Variants in DCAF8L1 observed in about 807,000 individuals in gnomAD.
The protein encoded by DCAF8L1 is DDB1- and CUL4-associated factor 8-like protein 1.
For synonymous variants in DCAF8L1, 217 were observed against 186.8 expected (o/e 1.16, Z -1.32); for missense variants, 434 against 481.6 (o/e 0.90, Z 0.92).
At position 27,980,699 on chromosome X, in the gene DCAF8L1, G is replaced by A; in HGVS notation, c.636C>T (p.Ala212=). The A allele has an allele frequency of 1.7e-6, 2 of 1,211,317 alleles. No individual in the cohort carries two copies. Among genetic ancestry groups the A allele is most frequent in the Non-Finnish European group, 2.2e-6 (2 of 895,320 alleles). Reference sequence around the variant, plus strand: ...TCACCCTTAAGTCATCACCGCTACTGGCCAGTCGGGTGCCACGCTGGTTAA... The same window carrying A: ...TCACCCTTAAGTCATCACCGCTACTAGCCAGTCGGGTGCCACGCTGGTTAA... ...IHFNQRGTRL[A]SSGDDLRVIV... Residue 212 remains alanine (A), a synonymous_variant, in exon 1 of 1, where the codon GCC becomes GCT. Coordinates refer to ENST00000441525, the MANE Select transcript of DCAF8L1 (RefSeq NM_001017930.2).
rs142121147 is a variant in DCAF8L1, at chrX:27,980,863, G to C, written c.472C>G (p.Leu158Val). 4.5e-5 allele frequency: 55 copies of C among 1,210,109 alleles called. No individual in the cohort carries two copies. The African/African-American group carries it at 6.4e-4, about 14-fold the overall frequency. The change falls in exon 1 of 1, where the codon CTT becomes GTT. Residue 158 changes from leucine to valine, a missense_variant. Coordinates refer to ENST00000441525, the MANE Select transcript of DCAF8L1 (RefSeq NM_001017930.2). ...SALPRSRWQVLTALRQRQLGS... is the reference protein window; with the variant it reads ...SALPRSRWQVVTALRQRQLGS... ...AGCTGCCGCTGGCGAAGAGCAGTAA[G>C]GACTTGCCAGCGAGATCGGGGCAGG...
rs763210557 is a variant in DCAF8L1, at chrX:27,980,314, A to T, written c.1021T>A (p.Ser341Thr). Residue 341 changes from serine (S) to threonine (T), a missense_variant, in exon 1 of 1, where the codon TCT (serine) becomes ACT (threonine). Physicochemically the swap from Ser to Thr is moderately conservative, Grantham distance 58. Coordinates refer to ENST00000441525, the MANE Select transcript of DCAF8L1 (RefSeq NM_001017930.2). ...TGGTAAATATTGGCAGGATTCATAG[A>T]GATTGTATACAGTCCGACTTTCTTA... ...NDKKVGLYTISMNPANIYQFA... is the reference protein window; with the variant it reads ...NDKKVGLYTITMNPANIYQFA... The T allele has an allele frequency of 8.3e-7, 1 of 1,210,376 alleles. No homozygotes were observed. The highest frequency in any genetic ancestry group is 1.7e-5 in the African/African-American group (1 of 57,345).
Position 27,979,586 on chromosome X carries a change from G to C in DCAF8L1, c.1749C>G (p.Thr583=). The part of the protein sequence containing the change: ...DEEELDESSS[T]SDTSEEEGQD... The stretch of plus-strand genomic sequence containing the variant: ...GGCCCTCCTCCTCGGATGTATCTGA[G>C]GTGCTGGAAGACTCATCCAACTCTT... Residue 583 remains threonine (T), a synonymous_variant, in exon 1 of 1, where the codon ACC becomes ACG. Coordinates refer to ENST00000441525, the MANE Select transcript of DCAF8L1 (RefSeq NM_001017930.2). 1 of 1,211,327 alleles carries C rather than the reference G, an allele frequency of 8.3e-7. No homozygotes were observed. The highest frequency in any genetic ancestry group is 1.1e-6 in the Non-Finnish European group (1 of 895,209).
At position 27,979,422 on chromosome X, in the gene DCAF8L1, A is replaced by T. The variant is rs908258213; in HGVS notation, c.*110T>A. On this transcript the variant is annotated 3_prime_UTR_variant, in exon 1 of 1. Transcript: ENST00000441525. ...CACTCATATAAGGGGTAACAAAAAC[A>T]GAAGACAAAAAGCAAATCTGTTAAT... 37 of 1,055,210 alleles carry T rather than the reference A, an allele frequency of 3.5e-5. No homozygotes were observed. The highest frequency in any genetic ancestry group is 4.2e-5 in the Non-Finnish European group (34 of 806,336). The allele number at this position is 1,055,210 out of a possible 1,213,427, so 87.0% of individuals were successfully genotyped here.
chrX:27,979,928 G>C lies in DCAF8L1; in HGVS notation c.1407C>G (p.Ser469=), dbSNP rs1303652667. 1 of 1,210,345 alleles carries C rather than the reference G, an allele frequency of 8.3e-7. No homozygotes were observed. Among genetic ancestry groups the C allele is most frequent in the Non-Finnish European group, 1.1e-6 (1 of 895,003 alleles). ...CGHVFFWEKS[S]SQIIQFMEGD... ...CCTCCATGAACTGGATGATCTGGGA[G>C]GATGATTTCTCCCAGAAGAAGACGT... Residue 469 remains serine, a synonymous_variant, in exon 1 of 1, where the codon TCC becomes TCG. Transcript: ENST00000441525.
At position 27,979,607 on chromosome X, in the gene DCAF8L1, C is replaced by T; in HGVS notation, c.1728G>A (p.Glu576=). 8.3e-7 allele frequency: 1 copy of T among 1,211,874 alleles called. No homozygotes were observed. The highest frequency in any genetic ancestry group is 1.1e-6 in the Non-Finnish European group (1 of 895,516). ...CTGAGGTGCTGGAAGACTCATCCAA[C>T]TCTTCTTCATCTGGGAACTCAGCTC... is the stretch of plus-strand genomic sequence containing the variant. ...DHGAEFPDEE[E]LDESSSTSDT... Residue 576 remains glutamate (E), a synonymous_variant, in exon 1 of 1, where the codon GAG becomes GAA. Transcript: ENST00000441525.
In DCAF8L1 at chrX:27,978,922, C is replaced by T. The variant is rs1926579920; in HGVS notation, c.*610G>A. On this transcript the variant is annotated 3_prime_UTR_variant, in exon 1 of 1. Transcript: ENST00000441525. ...CATTGTTTTCTTTCTCATCAATTCTCCTCTGGTCATAAATCCTTAAAAACC... is the reference window on the plus strand; with the variant it reads ...CATTGTTTTCTTTCTCATCAATTCTTCTCTGGTCATAAATCCTTAAAAACC... The T allele has an allele frequency of 1.3e-6, 1 of 768,558 alleles. No individual in the cohort carries two copies. Among genetic ancestry groups the T allele is most frequent in the Non-Finnish European group, 2.0e-6 (1 of 511,211 alleles). 63.3% of individuals were successfully genotyped at this position (768,558 alleles called of 1,213,427 possible).
Position 27,978,739 on chromosome X carries a change from A to C in DCAF8L1, c.*793T>G. The stretch of plus-strand genomic sequence containing the variant: ...ATTATCTGGTTAGGAATTCATCTAC[A>C]CACTACTTCTTGTTTTCCTTTTCTA... On this transcript the variant is annotated 3_prime_UTR_variant, in exon 1 of 1. Coordinates refer to ENST00000441525, the MANE Select transcript of DCAF8L1 (RefSeq NM_001017930.2). 1 of 473,740 alleles carries C rather than the reference A, an allele frequency of 2.1e-6. No homozygotes were observed. The highest frequency in any genetic ancestry group is 3.5e-6 in the Non-Finnish European group (1 of 289,497). 39.0% of individuals were successfully genotyped at this position (473,740 alleles called of 1,213,427 possible).
Position 27,978,881 on chromosome X carries a change from AATTTCTTGAGTACTCC to A in DCAF8L1, c.*635_*650del, listed in dbSNP as rs1926578771. 1 of 862,056 alleles carries A rather than the reference AATTTCTTGAGTACTCC, an allele frequency of 1.2e-6. No homozygotes were observed. Among genetic ancestry groups the A allele is most frequent in the East Asian group, 3.3e-5 (1 of 30,289 alleles). The allele number at this position is 862,056 out of a possible 1,213,427, so 71.0% of individuals were successfully genotyped here. ...ACAATTAACCAGATGATGAAGAGTG[AATTTCTTGAGTACTCC>A]ATTGTTTTCTTTCTCATCAATTCTC... On this transcript the variant is annotated 3_prime_UTR_variant, in exon 1 of 1. Transcript: ENST00000441525.
At position 27,980,404 on chromosome X, in the gene DCAF8L1, C is replaced by T; in HGVS notation, c.931G>A (p.Val311Met). The change falls in exon 1 of 1, where the codon GTG (valine) becomes ATG (methionine). Residue 311 changes from valine (V) to methionine (M), a missense_variant. Physicochemically the swap from Val to Met is conservative, Grantham distance 21. Coordinates refer to ENST00000441525, the MANE Select transcript of DCAF8L1 (RefSeq NM_001017930.2). ...KFLTSGEDAV[V>M]FTIDLRQDRP... ...TCTTGCCTGAGGTCAATGGTGAACA[C>T]AACGGCATCTTCACCTGAAGTGAGG... The T allele has an allele frequency of 8.2e-7, 1 of 1,212,207 alleles. No individual in the cohort carries two copies. Among genetic ancestry groups the T allele is most frequent in the Middle Eastern group, 2.3e-4 (1 of 4,355 alleles).
Position 27,979,777 on chromosome X carries a change from C to G in DCAF8L1, c.1558G>C (p.Gly520Arg). 1 of 1,210,272 alleles carries G rather than the reference C, an allele frequency of 8.3e-7. No individual in the cohort carries two copies. The highest frequency in any genetic ancestry group is 1.1e-6 in the Non-Finnish European group (1 of 894,922). ...PTAKTATELT[G>R]LKDVIKKNKQ... ...TTCTTCTTAATCACATCTTTTAACC[C>G]AGTAAGCTCAGTGGCAGTTTTAGCT... Residue 520 changes from glycine to arginine, a missense_variant, in exon 1 of 1, where the codon GGG becomes CGG. Gly to Arg is a moderately radical substitution (Grantham distance 125). Transcript: ENST00000441525.
At position 27,981,170 on chromosome X, in the gene DCAF8L1, C is replaced by T; in HGVS notation, c.165G>A (p.Arg55=). ...TGGCATCGTTCAGGAAACCACCATC[C>T]CTGGTATCACCACCATCTCCGGTCG... ...EPSTGDGGDT[R]DGGFLNDAST... The change falls in exon 1 of 1, where the codon AGG becomes AGA. Residue 55 remains arginine, a synonymous_variant. Transcript: ENST00000441525. 5.0e-6 allele frequency: 6 copies of T among 1,211,769 alleles called. No individual in the cohort carries two copies. Among genetic ancestry groups the T allele is most frequent in the Non-Finnish European group, 6.7e-6 (6 of 895,539 alleles).
At position 27,978,853 on chromosome X, in the gene DCAF8L1, A is replaced by T. The variant is rs1926577725; in HGVS notation, c.*679T>A. The T allele has an allele frequency of 3.3e-6, 3 of 916,709 alleles. No homozygotes were observed. Among genetic ancestry groups the T allele is most frequent in the Non-Finnish European group, 4.7e-6 (3 of 638,097 alleles). 75.5% of individuals were successfully genotyped at this position (916,709 alleles called of 1,213,427 possible). ...CAATGCAGGTGATGTTTGTTGGAAA[A>T]TCACAATTAACCAGATGATGAAGAG... On this transcript the variant is annotated 3_prime_UTR_variant, in exon 1 of 1. Transcript: ENST00000441525.
Position 27,979,408 on chromosome X carries a change from G to T in DCAF8L1, c.*124C>A. The T allele has an allele frequency of 1.0e-6, 1 of 964,801 alleles. No homozygotes were observed. The highest frequency in any genetic ancestry group is 1.4e-6 in the Non-Finnish European group (1 of 729,014). The allele number at this position is 964,801 out of a possible 1,213,427, so 79.5% of individuals were successfully genotyped here. ...ATAAGTTGTGTATGCACTCATATAAGGGGTAACAAAAACAGAAGACAAAAA... is the reference window on the plus strand; with the variant it reads ...ATAAGTTGTGTATGCACTCATATAATGGGTAACAAAAACAGAAGACAAAAA... On this transcript the variant is annotated 3_prime_UTR_variant, in exon 1 of 1. Transcript: ENST00000441525.
In DCAF8L1 at chrX:27,979,639, C is replaced by T. The variant is rs1277200484; in HGVS notation, c.1696G>A (p.Asp566Asn). 8.3e-7 allele frequency: 1 copy of T among 1,211,975 alleles called. No individual in the cohort carries two copies. The highest frequency in any genetic ancestry group is 2.2e-5 in the Admixed American group (1 of 46,069). The stretch of plus-strand genomic sequence containing the variant: ...TCATCTGGGAACTCAGCTCCATGAT[C>T]TCTCCAGCCGGGTTGATGAGCTCTC... ...LQRAHQPGWR[D>N]HGAEFPDEEE... The change falls in exon 1 of 1, where the codon GAT becomes AAT. Residue 566 changes from aspartate to asparagine, a missense_variant. Coordinates refer to ENST00000441525, the MANE Select transcript of DCAF8L1 (RefSeq NM_001017930.2).
In DCAF8L1 at chrX:27,980,447, T is replaced by A. The variant is rs145381385; in HGVS notation, c.888A>T (p.Pro296=). The part of the protein sequence containing the change: ...RGPAHELALE[P]DSPYKFLTSG... ...AAGTGAGGAACTTATAAGGAGAGTC[T>A]GGCTCCAGAGCCAACTCGTGGGCAG... is the stretch of plus-strand genomic sequence containing the variant. Residue 296 remains proline (P), a synonymous_variant, in exon 1 of 1, where the codon CCA becomes CCT. Transcript: ENST00000441525. 2,715 of 1,210,863 alleles carry A rather than the reference T, an allele frequency of 2.2e-3. 5 individuals carry two copies. Among genetic ancestry groups the A allele is most frequent in the Non-Finnish European group, 2.8e-3 (2,549 of 895,413 alleles).
In DCAF8L1 at chrX:27,978,831, T is replaced by G. The variant is rs368656254; in HGVS notation, c.*701A>C. 2 of 921,147 alleles carry G rather than the reference T, an allele frequency of 2.2e-6. No individual in the cohort carries two copies. The highest frequency in any genetic ancestry group is 3.3e-5 in the East Asian group (1 of 30,348). 75.9% of individuals were successfully genotyped at this position (921,147 alleles called of 1,213,427 possible). A position where few individuals can be genotyped will look rare whatever the true frequency, so the allele number is the denominator to read the frequency against. ...TCTGTGCCATCGTGGCTGTACACAA[T>G]GCAGGTGATGTTTGTTGGAAAATCA... On this transcript the variant is annotated 3_prime_UTR_variant, in exon 1 of 1. Transcript: ENST00000441525.
At position 27,981,351 on chromosome X, in the gene DCAF8L1, T is replaced by C; in HGVS notation, c.-17A>G. ...GTGGGACATCTCGAACGATGTTTGC[T>C]GTAGCTGATCTGGAACTGGAAAAGC... On this transcript the variant is annotated 5_prime_UTR_variant, in exon 1 of 1. Coordinates refer to ENST00000441525, the MANE Select transcript of DCAF8L1 (RefSeq NM_001017930.2). 1 of 1,197,063 alleles carries C rather than the reference T, an allele frequency of 8.4e-7. No homozygotes were observed. The highest frequency in any genetic ancestry group is 2.2e-5 in the Admixed American group (1 of 44,554).
Position 27,979,694 on chromosome X carries a change from C to T in DCAF8L1, c.1641G>A (p.Met547Ile). The part of the protein sequence containing the change: ...LNYTDSFDNR[M>I]LRFFVRHLLQ... The stretch of plus-strand genomic sequence containing the variant: ...ACAGGTGACGCACGAAGAACCGAAG[C>T]ATGCGGTTGTCAAACGAGTCCGTAT... The change falls in exon 1 of 1, where the codon ATG becomes ATA. Residue 547 changes from methionine to isoleucine, a missense_variant. Transcript: ENST00000441525. 1 of 1,211,575 alleles carries T rather than the reference C, an allele frequency of 8.3e-7. No homozygotes were observed. The highest frequency in any genetic ancestry group is 1.1e-6 in the Non-Finnish European group (1 of 895,403).
Sources: allele counts gnomAD v4.1 joint callset, GRCh38; gene constraint gnomAD v4.1.1; transcripts MANE v1.5; gene names NCBI Gene and HGNC (gene_info 2026-07-23, HGNC 2026-07-21).